SPEF2: variants seen among roughly 807,000 people sequenced by gnomAD.
SPEF2 encodes the protein sperm flagellar and cilia associated 2.
In SPEF2, 187 loss-of-function variants were observed where a neutral mutation model predicts 224.6. The ratio of observed to expected loss-of-function variants is 0.83; its 90% CI spans 0.74 to 0.94. The LOEUF (loss-of-function observed/expected upper bound fraction) is 0.94, where lower values mean the gene tolerates loss of function less well. SPEF2 is among the 40% of genes least tolerant of loss of function. The pLI, the probability that SPEF2 is intolerant of heterozygous loss-of-function variation, is 0.00. For synonymous variants in SPEF2, 715 were observed against 707.3 expected (o/e 1.01, Z -0.17); for missense variants, 2,170 against 2,135.6 (o/e 1.02, Z -0.32).
chr5:35,664,422 G>A (rs546387184), intron 8 of SPEF2, among the ~76,000 whole-genome samples: 2 of 152,224 alleles, frequency 1.3e-5, no homozygotes, highest in East Asian at 3.9e-4. Flanking sequence ...TGACCATGGT[G>A]GCTCACACCT....
intron 15 of SPEF2, chr5:35,699,199 GC>G (rs1359063067): frequency 6.6e-6 from 1 of 152,024 alleles, no homozygotes; most frequent in Non-Finnish European, 1.5e-5. Flanking sequence ...TCACATGCAG[GC>G]CCCAAAGTAG....
chr5:35,807,692 A>G, intron 36 of SPEF2: 2 of 1,536,134 alleles, frequency 1.3e-6, no homozygotes, highest in Non-Finnish European at 1.7e-6. Context: ...GTTGGGCACC[A>G]CTTCCATCAG....
chr5:35,702,012 A>G (rs1161167604), intron 16 of SPEF2: 1 of 366,774 alleles, frequency 2.7e-6, no homozygotes, highest in East Asian at 7.3e-5. Flanking sequence ...GATAATAGCC[A>G]GAATTTAGTG....
At chr5:35,619,030 C>T (rs1261678613) in intron 1 of SPEF2, among the ~76,000 whole-genome samples, 1 of 152,182 alleles carries the variant, frequency 6.6e-6, no homozygotes, top group Non-Finnish European at 1.5e-5. Context: ...GGTAGTGTTT[C>T]TGTGGGTGCA....
intron 7 of SPEF2, among the ~76,000 whole-genome samples, chr5:35,656,544 C>T (rs1462255245): frequency 6.6e-6 from 1 of 152,088 alleles, no homozygotes; most frequent in East Asian, 1.9e-4. Flanking sequence ...AGTTTCATTA[C>T]CTAGCAATGA....
At chr5:35,786,370 G>A (rs530930269) in intron 30 of SPEF2, among the ~76,000 whole-genome samples, 5 of 152,182 alleles carry the variant, frequency 3.3e-5, no homozygotes, top group South Asian at 2.1e-4. Flanking sequence ...ATTAAAAAGC[G>A]AAGGAGAGGC....
chr5:35,800,026 A>C lies in SPEF2; in HGVS notation c.4889A>C (p.Gln1630Pro). The C allele has an allele frequency of 6.2e-7, 1 of 1,614,162 alleles. No homozygotes were observed. Among genetic ancestry groups the C allele is most frequent in the Non-Finnish European group, 8.5e-7 (1 of 1,180,022 alleles). Residue 1630 changes from glutamine to proline, a missense_variant, in exon 34 of 37, where the codon CAG (glutamine) becomes CCG (proline). Gln to Pro is a moderately conservative substitution (Grantham distance 76, BLOSUM62 -1). Coordinates refer to ENST00000356031, the MANE Select transcript of SPEF2 (RefSeq NM_024867.4). ...GATCCACCCCAGCTTGACTACACAC[A>C]GATGCTGCTTTACTTTGCTTGCCAC... is the stretch of plus-strand genomic sequence containing the variant. ...EKDPPQLDYTQMLLYFACHPD... is the reference protein window; with the variant it reads ...EKDPPQLDYTPMLLYFACHPD...
At chr5:35,741,164 A>G (rs1343437996) in intron 23 of SPEF2, among the ~76,000 whole-genome samples, 1 of 152,230 alleles carries the variant, frequency 6.6e-6, no homozygotes, top group Non-Finnish European at 1.5e-5. Flanking sequence ...CAGAATAAGC[A>G]ATAAACAAAT....
At position 35,793,163 on chromosome 5, in the gene SPEF2, A is replaced by G; in HGVS notation, c.4559A>G (p.Gln1520Arg). The stretch of plus-strand genomic sequence containing the variant: ...ATATTTCCTGTTTTCTTCTAGTTAC[A>G]GGAATTAACATCTTTATTAACAGTC... Reference protein sequence around the residue: ...NWMHLTQPELQELTSLLTVNS... With the variant: ...NWMHLTQPELRELTSLLTVNS... Residue 1520 changes from glutamine to arginine, a missense_variant, in exon 32 of 37, where the codon CAG (glutamine) becomes CGG (arginine). Coordinates refer to ENST00000356031, the MANE Select transcript of SPEF2 (RefSeq NM_024867.4). 2 of 1,613,548 alleles carry G rather than the reference A, an allele frequency of 1.2e-6. No homozygotes were observed. The highest frequency in any genetic ancestry group is 1.1e-5 in the South Asian group (1 of 90,964).
chr5:35,782,667 T>A (rs935249836), intron 30 of SPEF2, among the ~76,000 whole-genome samples: 10 of 152,114 alleles, frequency 6.6e-5, no homozygotes, highest in Non-Finnish European at 4.4e-5. Context: ...AACTAGATAG[T>A]ATCAAGATGT....
At position 35,618,066 on chromosome 5, in the gene SPEF2, A is replaced by T. The variant is rs780270151; in HGVS notation, c.58+11A>T. 4.4e-6 allele frequency: 7 copies of T among 1,578,286 alleles called. No homozygotes were observed. In the Middle Eastern group the frequency reaches 8.3e-4, roughly 187 times the overall value. On this transcript the variant is annotated intron_variant, in intron 1 of 36. Coordinates refer to ENST00000356031, the MANE Select transcript of SPEF2 (RefSeq NM_024867.4). ...TGTCCCGGACCGTGAGTGAGTGACC[A>T]CGGCCAGGGGCGAGCGTCTGAGGGG...
At chr5:35,812,449 A>C (rs893143018) in intron 36 of SPEF2, among the ~76,000 whole-genome samples, 4 of 152,194 alleles carry the variant, frequency 2.6e-5, no homozygotes, top group African/African-American at 9.7e-5. Context: ...ATTTTCAAAT[A>C]ATGCTCCTAA....
chr5:35,676,227 C>CCT (rs1309561446), intron 10 of SPEF2, among the ~76,000 whole-genome samples: 1 of 152,002 alleles, frequency 6.6e-6, no homozygotes, highest in South Asian at 2.1e-4. Flanking sequence ...AGAAGCCAGC[C>CCT]CTCTTCCAAG....
intron 30 of SPEF2, among the ~76,000 whole-genome samples, chr5:35,786,397 CG>C (rs1162141717): frequency 1.3e-5 from 2 of 151,932 alleles, no homozygotes; most frequent in Non-Finnish European, 2.9e-5. Context: ...TGGTGGCTCA[CG>C]CCAGTAATCC....
chr5:35,635,474 A>C (rs1745708935), intron 2 of SPEF2, among the ~76,000 whole-genome samples: 1 of 152,142 alleles, frequency 6.6e-6, no homozygotes, highest in Non-Finnish European at 1.5e-5. Flanking sequence ...GCATTGCTCT[A>C]GTATATTGAC....
chr5:35,759,536 T>G, intron 24 of SPEF2, 32 bp from the exon 25 acceptor site: 2 of 1,521,084 alleles, frequency 1.3e-6, no homozygotes, highest in Non-Finnish European at 1.8e-6. Context: ...TTGTTCTTTC[T>G]TGGATATTAA....
Position 35,751,031 on chromosome 5 carries a change from A to G in SPEF2, c.3331-2593A>G, listed in dbSNP as rs60613776. Among the ~76,000 whole-genome samples the G allele has an allele frequency of 3.5e-3, 350 of 101,198 alleles. 11 individuals are homozygous for G. Among genetic ancestry groups the G allele is most frequent in the African/African-American group, 0.012 (331 of 26,488 alleles). 66.4% of individuals were successfully genotyped at this position (101,198 alleles called of 152,430 possible). On this transcript the variant is annotated intron_variant, in intron 23 of 36. Transcript: ENST00000356031. ...TATATACGTATATATATACGTATAT[A>G]TATACACATATGTATATATATATAC...
chr5:35,667,735 A>G (rs948629358), intron 9 of SPEF2, among the ~76,000 whole-genome samples: 2 of 152,174 alleles, frequency 1.3e-5, no homozygotes, highest in Non-Finnish European at 2.9e-5. Flanking sequence ...GAAAGGATGT[A>G]TAGAATAGGA....
intron 21 of SPEF2, among the ~76,000 whole-genome samples, chr5:35,729,315 A>C (rs1745221733): frequency 6.6e-6 from 1 of 152,178 alleles, no homozygotes; most frequent in Admixed American, 6.5e-5. Context: ...GAAAGGAAGT[A>C]GATCCTTGGG....
Sources: allele counts gnomAD v4.1 joint callset (sites outside exome capture counted in the v4.1 genomes callset), GRCh38; gene constraint gnomAD v4.1.1; transcripts MANE v1.5; gene names NCBI Gene and HGNC (gene_info 2026-07-23, HGNC 2026-07-21).